Variants in DGLUCY observed in about 807,000 individuals in gnomAD.
DGLUCY encodes the protein D-glutamate cyclase, mitochondrial.
DGLUCY carries 58 observed loss-of-function variants against 58.5 expected under a neutral mutation model. That is an observed-to-expected ratio of 0.99 (90% CI 0.80 to 1.23). The LOEUF is 1.23. Among genes scored for constraint, DGLUCY ranks in the 50% most tolerant of loss-of-function variants. The pLI is 0.00. For missense variants in DGLUCY, 779 were observed against 784.7 expected (o/e 0.99, Z 0.09); for synonymous variants, 325 against 314.1 (o/e 1.03, Z -0.37).
At chr14:91,180,254 T>C (rs547892566) in intron 7 of DGLUCY, among the ~76,000 whole-genome samples, 3 of 151,914 alleles carry the variant, frequency 2.0e-5, no homozygotes, top group African/African-American at 7.2e-5. Context: ...GGCATTATCA[T>C]TACAGTCAAA....
chr14:91,205,757 TTCTTCTTCTTC>T (rs1884484477), intron 12 of DGLUCY, among the ~76,000 whole-genome samples: 1 of 107,252 alleles, frequency 9.3e-6, no homozygotes, highest in African/African-American at 5.0e-5. Flanking sequence ...GGGCATTCTC[TTCTTCTTCTTC>T]TTCTTCTTCT....
intron 1 of DGLUCY, among the ~76,000 whole-genome samples, chr14:91,135,478 C>T (rs564767320): frequency 9.9e-5 from 15 of 151,966 alleles, no homozygotes; most frequent in African/African-American, 2.9e-4. Flanking sequence ...GGTGAAACCC[C>T]GTCTCTACTA....
intron 1 of DGLUCY, among the ~76,000 whole-genome samples, chr14:91,085,479 C>T (rs1424649918): frequency 6.6e-6 from 1 of 151,944 alleles, no homozygotes; most frequent in African/African-American, 2.4e-5. Flanking sequence ...TACAGTTGTC[C>T]CTCAGTATCC....
chr14:91,080,560 G>A (rs183947995), intron 1 of DGLUCY, among the ~76,000 whole-genome samples: 4 of 151,990 alleles, frequency 2.6e-5, no homozygotes, highest in African/African-American at 4.8e-5. Flanking sequence ...TAGGAGAGAC[G>A]GGGTTTCACC....
intron 11 of DGLUCY, among the ~76,000 whole-genome samples, chr14:91,201,751 G>T (rs796436045): frequency 1.3e-5 from 2 of 150,968 alleles, no homozygotes; most frequent in Admixed American, 6.6e-5. Flanking sequence ...GCCTTCAGTC[G>T]TTAATAATAT....
intron 3 of DGLUCY, among the ~76,000 whole-genome samples, chr14:91,161,961 G>A (rs893724234): frequency 3.5e-4 from 53 of 152,156 alleles, no homozygotes; most frequent in African/African-American, 1.1e-3. Flanking sequence ...CCAGGTTGAC[G>A]ACTGCTTGCT....
Position 91,166,691 on chromosome 14 carries a change from T to G in DGLUCY, c.104-534T>G, listed in dbSNP as rs2048304210. 2.7e-5 allele frequency among the ~76,000 whole-genome samples: 4 copies of G among 150,556 alleles called. No individual in the cohort carries two copies. The South Asian group carries it at 6.3e-4, about 24-fold the overall frequency. On this transcript the variant is annotated intron_variant, in intron 3 of 13. Coordinates refer to ENST00000256324, the MANE Select transcript of DGLUCY (RefSeq NM_001102368.3). ...AAAAAAAAAAAATTACATTAGAAGT[T>G]GGGTATGGTAGTGTGCACCTGTAGT...
At chr14:91,067,102 A>G (rs927617332) in intron 1 of DGLUCY, among the ~76,000 whole-genome samples, 1 of 147,734 alleles carries the variant, frequency 6.8e-6, no homozygotes, top group African/African-American at 2.5e-5. Context: ...AAAAAAAAGA[A>G]AGAGTTATTT....
chr14:91,182,061 A>G (rs2049212073), intron 8 of DGLUCY, among the ~76,000 whole-genome samples: 1 of 150,780 alleles, frequency 6.6e-6, no homozygotes, highest in Non-Finnish European at 1.5e-5. Context: ...ATTCACTGCA[A>G]CCTCCATCTC....
intron 8 of DGLUCY, among the ~76,000 whole-genome samples, 183 bp from the exon 9 acceptor site, chr14:91,188,727 G>A (rs1458083088): frequency 6.6e-6 from 1 of 152,086 alleles, no homozygotes; most frequent in Non-Finnish European, 1.5e-5. Context: ...TGTTCAGGAG[G>A]GTGAGGCGGG....
At chr14:91,102,482 C>G (rs1400499507) in intron 1 of DGLUCY, among the ~76,000 whole-genome samples, 1 of 152,100 alleles carries the variant, frequency 6.6e-6, no homozygotes, top group Non-Finnish European at 1.5e-5. Context: ...CCACCCCCTC[C>G]TCCTCCGGCC....
At chr14:91,204,887 G>A in intron 12 of DGLUCY, 62 bp downstream of exon 12, 1 of 1,604,860 alleles carries the variant, frequency 6.2e-7, no homozygotes, top group East Asian at 2.2e-5. Context: ...CTGGCTTGGA[G>A]CCTGACCAGG....
At chr14:91,130,851 T>C (rs972428260) in intron 1 of DGLUCY, among the ~76,000 whole-genome samples, 3 of 152,170 alleles carry the variant, frequency 2.0e-5, no homozygotes, top group African/African-American at 7.2e-5. Context: ...CCTGTTTATA[T>C]CTTTCTCCCC....
intron 1 of DGLUCY, among the ~76,000 whole-genome samples, chr14:91,063,740 G>A (rs185175747): frequency 2.9e-3 from 446 of 152,374 alleles, no homozygotes; most frequent in Non-Finnish European, 4.0e-3. Context: ...AGGTTCAGGA[G>A]GTGGGCAGAG....
chr14:91,129,992 G>A (rs2140191465), intron 1 of DGLUCY, among the ~76,000 whole-genome samples: 1 of 152,334 alleles, frequency 6.6e-6, no homozygotes, highest in Middle Eastern at 3.4e-3. Flanking sequence ...GCAGGTAGCT[G>A]TAGTTTATTT....
In DGLUCY at chr14:91,181,470, G is replaced by C. The variant is rs918377209; in HGVS notation, c.934+81G>C. On this transcript the variant is annotated intron_variant, in intron 8 of 13. Coordinates refer to ENST00000256324, the MANE Select transcript of DGLUCY (RefSeq NM_001102368.3). ...ACCTGGAGAAAATCACCTTTTCAGT[G>C]AAAAAGGTGGGATGCAAAATGTATC... The C allele has an allele frequency of 7.2e-6, 10 of 1,392,914 alleles. No individual in the cohort carries two copies. In the African/African-American group the frequency reaches 1.0e-4, roughly 14 times the overall value. 86.3% of individuals were successfully genotyped at this position (1,392,914 alleles called of 1,614,324 possible). A position where few individuals can be genotyped will look rare whatever the true frequency, so the allele number is the denominator to read the frequency against.
chr14:91,167,203 T>C (rs771945705), intron 3 of DGLUCY, 22 bp from the exon 4 acceptor site: 3 of 1,562,344 alleles, frequency 1.9e-6, no homozygotes, highest in Non-Finnish European at 2.6e-6. Flanking sequence ...TATACATTTT[T>C]CCCTTCTCCC....
rs572106860 is a variant in DGLUCY, at chr14:91,150,256, G to A, written c.-81-7383G>A. ...AAAAAAAAAAAATCCAGTTTGGCCT[G>A]TGTGAAGCACCCACACAAAACCTTC... On this transcript the variant is annotated intron_variant, in intron 1 of 13. Coordinates refer to ENST00000256324, the MANE Select transcript of DGLUCY (RefSeq NM_001102368.3). Among the ~76,000 whole-genome samples, 13 of 146,774 alleles carry A rather than the reference G, an allele frequency of 8.9e-5. No homozygotes were observed. In the East Asian group the frequency reaches 2.6e-3, roughly 29 times the overall value.
intron 1 of DGLUCY, among the ~76,000 whole-genome samples, chr14:91,133,295 C>G (rs1413988721): frequency 2.0e-5 from 3 of 151,226 alleles, no homozygotes; most frequent in Non-Finnish European, 3.0e-5. Flanking sequence ...GACTCCGTCT[C>G]AACAACAACA....
Sources: gnomAD v4.1 joint callset for allele counts (sites outside exome capture counted in the v4.1 genomes callset) on GRCh38, gnomAD v4.1.1 for gene constraint, MANE v1.5 for transcripts, NCBI Gene and HGNC (gene_info 2026-07-23, HGNC 2026-07-21) for gene names.